The following CLCC1 variants were observed in gnomAD, a reference collection of about 807,000 sequenced individuals.
CLCC1 encodes the protein chloride channel CLIC like 1, also known as chloride channel CLIC-like protein 1.
CLCC1 carries 39 observed loss-of-function variants against 63.3 expected under a neutral mutation model. That is an observed-to-expected ratio of 0.62 (90% CI 0.48 to 0.81). The LOEUF (loss-of-function observed/expected upper bound fraction) is 0.81. Among genes scored for constraint, CLCC1 ranks in the 30% least tolerant of loss-of-function variants. The pLI is 0.00. For synonymous variants in CLCC1, 217 were observed against 239.8 expected (o/e 0.90, Z 0.88); for missense variants, 549 against 669.4 (o/e 0.82, Z 1.98).
chr1:108,944,525 AAAGAT>A (rs1654277531), intron 5 of CLCC1, among the ~76,000 whole-genome samples: 1 of 152,162 alleles, frequency 6.6e-6, no homozygotes, highest in African/African-American at 2.4e-5. Flanking sequence ...CATGAAAACC[AAAGAT>A]AATATACATG....
chr1:108,942,244 C>G (rs1653947805), intron 7 of CLCC1, among the ~76,000 whole-genome samples: 2 of 151,956 alleles, frequency 1.3e-5, no homozygotes, highest in African/African-American at 4.8e-5. Flanking sequence ...TCAAAAACAA[C>G]AGCAACAACA....
Position 108,931,299 on chromosome 1 carries a change from C to A in CLCC1, c.*1248G>T. On this transcript the variant is annotated 3_prime_UTR_variant, in exon 13 of 13. Transcript: ENST00000369969. ...AACCTTAGTTGTCATTAAGCTTTGT[C>A]TTCCTTATCCCAGATATTGAAGGCA... The A allele has an allele frequency of 6.5e-7, 1 of 1,531,354 alleles. No homozygotes were observed. Among genetic ancestry groups the A allele is most frequent in the South Asian group, 1.2e-5 (1 of 81,460 alleles). 94.9% of individuals were successfully genotyped at this position (1,531,354 alleles called of 1,614,324 possible).
chr1:108,948,607 T>C (rs1348527325), intron 4 of CLCC1, among the ~76,000 whole-genome samples: 1 of 151,392 alleles, frequency 6.6e-6, no homozygotes, highest in Non-Finnish European at 1.5e-5. Flanking sequence ...AGGCAAGGTT[T>C]GTAAAACCAG....
At chr1:108,948,006 T>G (rs1023023846) in intron 4 of CLCC1, among the ~76,000 whole-genome samples, 1 of 152,108 alleles carries the variant, frequency 6.6e-6, no homozygotes, top group Admixed American at 6.6e-5. Context: ...GAGGCAGAGA[T>G]CCACAAGCAG....
chr1:108,947,849 C>T lies in CLCC1; in HGVS notation c.232-131G>A, dbSNP rs1173893105. On this transcript the variant is annotated intron_variant, in intron 4 of 12. Coordinates refer to ENST00000369969, the MANE Select transcript of CLCC1 (RefSeq NM_001377458.1). ...TTTTGATCAAGTTTGCATTTATCAGCTATAATACATTACAGTGCAGAGCTG... is the reference window on the plus strand; with the variant it reads ...TTTTGATCAAGTTTGCATTTATCAGTTATAATACATTACAGTGCAGAGCTG... 1.6e-5 allele frequency: 10 copies of T among 631,200 alleles called. No homozygotes were observed. The East Asian group carries it at 2.6e-4, about 16-fold the overall frequency. 39.1% of individuals were successfully genotyped at this position (631,200 alleles called of 1,614,324 possible). A position where few individuals can be genotyped will look rare whatever the true frequency, so the allele number is the denominator to read the frequency against.
At chr1:108,950,284 C>T (rs1217244851) in intron 3 of CLCC1, 25 bp downstream of exon 3, 2 of 1,599,664 alleles carry the variant, frequency 1.3e-6, no homozygotes, top group Admixed American at 1.7e-5. Context: ...AGGTCTCACA[C>T]ACATGCACGA....
chr1:108,940,652 G>A (rs1653727281), intron 8 of CLCC1, among the ~76,000 whole-genome samples: 1 of 152,144 alleles, frequency 6.6e-6, no homozygotes, highest in South Asian at 2.1e-4. Context: ...TCTTTATGGA[G>A]TTTACAAAAT....
In CLCC1 at chr1:108,930,868, G is replaced by A. The variant is rs1651825695; in HGVS notation, c.*1679C>T. Reference sequence around the variant, plus strand: ...ACCAAGCCACTGGACTCCAGCCTGAGTGACAGAGCAAGACTCTGTCTCAAA... The same window carrying A: ...ACCAAGCCACTGGACTCCAGCCTGAATGACAGAGCAAGACTCTGTCTCAAA... On this transcript the variant is annotated 3_prime_UTR_variant, in exon 13 of 13. Coordinates refer to ENST00000369969, the MANE Select transcript of CLCC1 (RefSeq NM_001377458.1). 6.6e-6 allele frequency: 1 copy of A among 150,404 alleles called. No individual in the cohort carries two copies. The highest frequency in any genetic ancestry group is 1.5e-5 in the Non-Finnish European group (1 of 68,436). The allele number at this position is 150,404 out of a possible 1,614,324, so 9.3% of individuals were successfully genotyped here.
At chr1:108,936,224 C>T (rs2101621568) in intron 11 of CLCC1, among the ~76,000 whole-genome samples, 1 of 151,564 alleles carries the variant, frequency 6.6e-6, no homozygotes, top group East Asian at 2.0e-4. Flanking sequence ...TCCCAAGTAG[C>T]TGGGATTACA....
intron 4 of CLCC1, among the ~76,000 whole-genome samples, chr1:108,949,343 C>T (rs1458541459): frequency 1.3e-5 from 2 of 152,222 alleles, no homozygotes; most frequent in Non-Finnish European, 2.9e-5. Flanking sequence ...TGTGTAAACT[C>T]TTCAGCTACA....
At position 108,937,091 on chromosome 1, in the gene CLCC1, T is replaced by C; in HGVS notation, c.1369A>G (p.Thr457Ala). The C allele has an allele frequency of 6.6e-7, 1 of 1,511,368 alleles. No individual in the cohort carries two copies. The highest frequency in any genetic ancestry group is 8.8e-7 in the Non-Finnish European group (1 of 1,131,242). The allele number at this position is 1,511,368 out of a possible 1,614,324, so 93.6% of individuals were successfully genotyped here. A position where few individuals can be genotyped will look rare whatever the true frequency, so the allele number is the denominator to read the frequency against. Residue 457 changes from threonine to alanine, a missense_variant, in exon 11 of 13, where the codon ACG becomes GCG. Thr to Ala is a moderately conservative substitution (Grantham distance 58). Transcript: ENST00000369969. ...VPDAEAREHP[T>A]VVPSHKSPVL... is the part of the protein sequence containing the mutation. Reference sequence around the variant, plus strand: ...TGCTGACTTACACTGGGTACCACCGTGGGATGCTCTCGTGCCTCTGCGTCT... The same window carrying C: ...TGCTGACTTACACTGGGTACCACCGCGGGATGCTCTCGTGCCTCTGCGTCT...
intron 2 of CLCC1, among the ~76,000 whole-genome samples, chr1:108,954,817 CGTGTGTGTGTGTGTGTGTGT>C (rs58482013): frequency 3.8e-4 from 54 of 140,520 alleles, no homozygotes; most frequent in Admixed American, 3.4e-3. Flanking sequence ...ACTGTCTTTG[CGTGTGTGTGTGTGTGTGTGT>C]GTGTGTGTGT....
intron 2 of CLCC1, among the ~76,000 whole-genome samples, chr1:108,951,365 G>A (rs568118593): frequency 6.6e-6 from 1 of 152,224 alleles, no homozygotes; most frequent in Non-Finnish European, 1.5e-5. Context: ...CTGGGTGACA[G>A]AGTGGGACCC....
intron 1 of CLCC1, 41 bp downstream of exon 1, chr1:108,963,320 G>T (rs892458327): frequency 1.1e-5 from 7 of 665,184 alleles, no homozygotes; most frequent in Admixed American, 1.0e-4. Flanking sequence ...CGGGTAACCC[G>T]CCCCACCCGC....
chr1:108,946,093 G>A (rs1432058665), intron 5 of CLCC1, among the ~76,000 whole-genome samples: 63 of 152,122 alleles, frequency 4.1e-4, no homozygotes, highest in Non-Finnish European at 7.4e-5. Flanking sequence ...GGCGGATCAC[G>A]AGGTCAGGAG....
chr1:108,958,028 T>C (rs1011135584), intron 2 of CLCC1, among the ~76,000 whole-genome samples: 7 of 151,080 alleles, frequency 4.6e-5, no homozygotes, highest in Non-Finnish European at 8.8e-5. Context: ...AGAAGCCAAG[T>C]GAAGAAAGGA....
At chr1:108,959,648 A>G (rs1314169498) in intron 2 of CLCC1, among the ~76,000 whole-genome samples, 2 of 152,236 alleles carry the variant, frequency 1.3e-5, no homozygotes, top group Non-Finnish European at 2.9e-5. Flanking sequence ...TAGAATATAT[A>G]CAAGGTTCAG....
chr1:108,942,478 G>A (rs949299994), intron 7 of CLCC1, among the ~76,000 whole-genome samples: 2 of 152,190 alleles, frequency 1.3e-5, no homozygotes, highest in Non-Finnish European at 1.5e-5. Flanking sequence ...TTAAGGAAAT[G>A]TCACAATGCT....
intron 12 of CLCC1, 149 bp downstream of exon 12, chr1:108,934,476 A>T (rs1484631225): frequency 1.1e-5 from 6 of 569,006 alleles, no homozygotes; most frequent in Non-Finnish European, 1.8e-5. Context: ...GATGAAATGA[A>T]AAGCTTTTAC....
Sources: allele counts gnomAD v4.1 joint callset (sites outside exome capture counted in the v4.1 genomes callset), GRCh38; gene constraint gnomAD v4.1.1; transcripts MANE v1.5; gene names NCBI Gene and HGNC (gene_info 2026-07-23, HGNC 2026-07-21).